The following SLC29A2 variants were observed in gnomAD, a reference collection of about 807,000 sequenced individuals.
SLC29A2 encodes solute carrier family 29 member 2.
Under a neutral mutation model 48.8 loss-of-function variants are expected in SLC29A2, and 37 were observed. That is an observed-to-expected ratio of 0.76 (90% confidence interval 0.58 to 1.00). The LOEUF (loss-of-function observed/expected upper bound fraction) is 1.00. Among genes scored for constraint, SLC29A2 ranks in the 50% least tolerant of loss-of-function variants. SLC29A2 has a pLI of 0.00. For missense variants in SLC29A2, 533 were observed against 578.6 expected (o/e 0.92, Z 0.81); for synonymous variants, 233 against 261.7 (o/e 0.89, Z 1.06).
In SLC29A2 at chr11:66,368,666, T is replaced by A; in HGVS notation, c.421A>T (p.Ser141Cys). 1 of 1,597,258 alleles carries A rather than the reference T, an allele frequency of 6.3e-7. No individual in the cohort carries two copies. Among genetic ancestry groups the A allele is most frequent in the Non-Finnish European group, 8.5e-7 (1 of 1,172,100 alleles). Residue 141 changes from serine (S) to cysteine (C), a missense_variant, in exon 5 of 12, where the codon AGT (serine) becomes TGT (cysteine). Transcript: ENST00000357440. ...MASVCFINSF[S>C]AVLQGSLFGQ... ...AAGAGGCTGCCCTGTAGGACTGCAC[T>A]GAAGGCTGTGGAGGACAGGGATGGG...
intron 10 of SLC29A2, chr11:66,364,773 C>T (rs1427272895): frequency 3.1e-5 from 7 of 226,016 alleles, no homozygotes; most frequent in South Asian, 6.5e-5. Flanking sequence ...TCCCAAAGTG[C>T]TGGGATTACA....
In SLC29A2 at chr11:66,362,914, T is replaced by C. The variant is rs1264783327; in HGVS notation, c.*522A>G. On this transcript the variant is annotated 3_prime_UTR_variant, in exon 12 of 12. Coordinates refer to ENST00000357440, the MANE Select transcript of SLC29A2 (RefSeq NM_001532.3). ...GGCTCTGCGGAGTGGGTACAGTAAG[T>C]GTTGGCAATGAAAACACTGCTTGAG... 9.9e-6 allele frequency: 2 copies of C among 201,598 alleles called. No individual in the cohort carries two copies. Among genetic ancestry groups the C allele is most frequent in the Admixed American group, 5.3e-5 (1 of 18,714 alleles). 12.5% of individuals were successfully genotyped at this position (201,598 alleles called of 1,614,324 possible).
chr11:66,363,613 C>T, intron 11 of SLC29A2, 66 bp from the exon 12 acceptor site: 2 of 1,202,434 alleles, frequency 1.7e-6, no homozygotes, highest in Middle Eastern at 1.9e-4. Context: ...AGCTCCACTG[C>T]CCTCTGCCCA....
rs1241313816 is a variant in SLC29A2, at chr11:66,371,637, G to A, written c.-46C>T. On this transcript the variant is annotated 5_prime_UTR_variant, in exon 1 of 12. Transcript: ENST00000357440. ...CTGGGGTGAAAGGGGCAGAGAAGCC[G>A]CACCTGCACCTGCGCTGGGGCGGAG... 1.3e-6 allele frequency: 2 copies of A among 1,530,588 alleles called. No homozygotes were observed. The highest frequency in any genetic ancestry group is 2.0e-5 in the Admixed American group (1 of 51,064). 94.8% of individuals were successfully genotyped at this position (1,530,588 alleles called of 1,614,324 possible). A position where few individuals can be genotyped will look rare whatever the true frequency, so the allele number is the denominator to read the frequency against.
intron 2 of SLC29A2, among the ~76,000 whole-genome samples, chr11:66,370,834 G>A (rs938855809): frequency 6.8e-6 from 1 of 147,898 alleles, no homozygotes; most frequent in Admixed American, 6.8e-5. Flanking sequence ...ACTCCAGCCT[G>A]GGCGAAAGAG....
rs763616474 is a variant in SLC29A2 at position 66,369,511 on chromosome 11, C to T, written c.133G>A (p.Gly45Arg). Residue 45 changes from glycine (G) to arginine (R), a missense_variant, in exon 3 of 12, where the codon GGG (glycine) becomes AGG (arginine). Physicochemically the swap from Gly to Arg is moderately radical, Grantham distance 125. Coordinates refer to ENST00000357440, the MANE Select transcript of SLC29A2 (RefSeq NM_001532.3). ...ATCCTGGCTGTGCTGTTGCCGGCCC[C>T]GGCCAGTCGCGCCTGGAAGTACTGC... ...AIPYFQARLA[G>R]AGNSTARILS... is the part of the protein sequence containing the mutation. 36 of 1,613,818 alleles carry T rather than the reference C, an allele frequency of 2.2e-5. No individual in the cohort carries two copies. The highest frequency in any genetic ancestry group is 4.4e-5 in the South Asian group (4 of 91,074).
chr11:66,370,766 G>A (rs1855989755), intron 2 of SLC29A2, among the ~76,000 whole-genome samples: 1 of 151,580 alleles, frequency 6.6e-6, no homozygotes, highest in Non-Finnish European at 1.5e-5. Context: ...GGGTGAGGCA[G>A]GAGAATGGCG....
chr11:66,371,565 G>A lies in SLC29A2; in HGVS notation c.27C>T (p.Asp9=), dbSNP rs746699648. MARGDAPR[D]SYHLVGISFF... is the part of the protein sequence containing the mutation. The stretch of plus-strand genomic sequence containing the variant: ...GCAACGCACCCGGGCCCACTCACCT[G>A]TCCCGCGGGGCGTCTCCTCGCGCCA... Residue 9 remains aspartate, a splice_region_variant and synonymous_variant, in exon 1 of 12, where the codon GAC becomes GAT. Transcript: ENST00000357440. 15 of 1,550,396 alleles carry A rather than the reference G, an allele frequency of 9.7e-6. No individual in the cohort carries two copies. The Admixed American group carries it at 2.7e-4, about 28-fold the overall frequency.
chr11:66,371,514 C>A (rs1170688466), intron 1 of SLC29A2, 49 bp downstream of exon 1: 1 of 1,546,042 alleles, frequency 6.5e-7, no homozygotes, highest in East Asian at 2.4e-5. Context: ...CTTCAGGGAG[C>A]GGGTCTGCAA....
In SLC29A2 at chr11:66,364,285, A is replaced by G; in HGVS notation, c.1199T>C (p.Met400Thr). 6.2e-7 allele frequency: 1 copy of G among 1,611,596 alleles called. No homozygotes were observed. Among genetic ancestry groups the G allele is most frequent in the South Asian group, 1.1e-5 (1 of 91,014 alleles). Residue 400 changes from methionine (M) to threonine (T), a missense_variant, in exon 11 of 12, where the codon ATG becomes ACG. Physicochemically the swap from Met to Thr is moderately conservative, Grantham distance 81. Coordinates refer to ENST00000357440, the MANE Select transcript of SLC29A2 (RefSeq NM_001532.3). ...FPQDAYFITF[M>T]LLFAVSNGYL... ...GCCATTAGAAACGGCAAAGAGCAGC[A>G]TGAAGGTGATGAAGTAGGCATCCTG...
At position 66,364,409 on chromosome 11, in the gene SLC29A2, G is replaced by A. The variant is rs775586357; in HGVS notation, c.1075C>T (p.Arg359Trp). 1.5e-4 allele frequency: 239 copies of A among 1,611,472 alleles called. No homozygotes were observed. Among genetic ancestry groups the A allele is most frequent in the Non-Finnish European group, 2.0e-4 (231 of 1,179,018 alleles). The change falls in exon 11 of 12, where the codon CGG becomes TGG. Residue 359 changes from arginine to tryptophan, a missense_variant. By Grantham distance (101) the Arg-to-Trp change is moderately radical. Transcript: ENST00000357440. Reference protein sequence around the residue: ...SYFLWPDEDSRLLPLLVCLRF... With the variant: ...SYFLWPDEDSWLLPLLVCLRF... ...AGGCAGACCAGCAGGGGCAGCAGCC[G>A]GCTGTCCTCGTCTGGCTGTGGTAGA...
intron 2 of SLC29A2, 98 bp downstream of exon 2, chr11:66,371,146 G>A: frequency 9.6e-7 from 1 of 1,045,028 alleles, no homozygotes; most frequent in Non-Finnish European, 1.5e-6. Flanking sequence ...GGGGTCACAG[G>A]TGCGCGGTGA....
At chr11:66,369,230 G>C (rs1005227964) in intron 3 of SLC29A2, 31 bp from the exon 4 acceptor site, 1 of 1,579,872 alleles carries the variant, frequency 6.3e-7, no homozygotes, top group African/African-American at 1.3e-5. Flanking sequence ...TGCATCAGTG[G>C]GGCCCAGGCC....
At position 66,367,995 on chromosome 11, in the gene SLC29A2, C is replaced by T. The variant is rs1332950690; in HGVS notation, c.551-126G>A. ...CCACTCCCAGCCTCTTCCGCTCCTC[C>T]CTTCACTGACAAATGGGAATCTTGT... On this transcript the variant is annotated intron_variant, in intron 5 of 11. Coordinates refer to ENST00000357440, the MANE Select transcript of SLC29A2 (RefSeq NM_001532.3). The T allele has an allele frequency of 4.0e-6, 3 of 745,024 alleles. No individual in the cohort carries two copies. In the Admixed American group the frequency reaches 6.0e-5, roughly 15 times the overall value. The allele number at this position is 745,024 out of a possible 1,614,324, so 46.2% of individuals were successfully genotyped here.
chr11:66,366,328 G>A (rs1325102104), intron 8 of SLC29A2, 97 bp from the exon 9 acceptor site: 1 of 1,603,244 alleles, frequency 6.2e-7, no homozygotes, highest in Admixed American at 1.7e-5. Context: ...TTGGGGCCTG[G>A]CCCAGCTGTG....
chr11:66,367,257 G>A lies in SLC29A2; in HGVS notation c.733+207C>T, dbSNP rs577600703. 2.0e-5 allele frequency among the ~76,000 whole-genome samples: 3 copies of A among 152,276 alleles called. No homozygotes were observed. In the East Asian group the frequency reaches 5.8e-4, roughly 29 times the overall value. On this transcript the variant is annotated intron_variant, in intron 7 of 11. Coordinates refer to ENST00000357440, the MANE Select transcript of SLC29A2 (RefSeq NM_001532.3). ...AGTTTGCATGCATGGAACCTCTGTC[G>A]CCTCCCCATTTTATAGAGGTGGAAA... is the stretch of plus-strand genomic sequence containing the variant.
At chr11:66,370,813 G>T (rs1274355198) in intron 2 of SLC29A2, among the ~76,000 whole-genome samples, 4 of 148,804 alleles carry the variant, frequency 2.7e-5, no homozygotes, top group Non-Finnish European at 5.9e-5. Flanking sequence ...GAGCCGAGAT[G>T]GCGCCACTGC....
At chr11:66,371,475 G>C (rs1479402056) in intron 1 of SLC29A2, 88 bp downstream of exon 1, 2 of 1,510,924 alleles carry the variant, frequency 1.3e-6, no homozygotes, top group East Asian at 4.9e-5. Context: ...ATTGTAGTTC[G>C]ATCCGGTCTT....
chr11:66,365,914 C>T, intron 10 of SLC29A2, 22 bp downstream of exon 10: 1 of 1,608,002 alleles, frequency 6.2e-7, no homozygotes, highest in Non-Finnish European at 8.5e-7. Flanking sequence ...AACATCGGAT[C>T]ACCCAGCCCT....
Sources: gnomAD v4.1 joint callset for allele counts (sites outside exome capture counted in the v4.1 genomes callset) on GRCh38, gnomAD v4.1.1 for gene constraint, MANE v1.5 for transcripts, NCBI Gene and HGNC (gene_info 2026-07-23, HGNC 2026-07-21) for gene names.